IFT172: variants seen among roughly 807,000 people sequenced by gnomAD.
The protein encoded by IFT172 is intraflagellar transport 172, also known as intraflagellar transport protein 172 homolog.
IFT172 carries 164 observed loss-of-function variants against 248.9 expected under a neutral mutation model. The observed-to-expected ratio is 0.66, with a 90% confidence interval of 0.58 to 0.75. IFT172 has a LOEUF of 0.75. IFT172 is among the 30% of genes least tolerant of loss of function. The pLI is 0.00. For synonymous variants in IFT172, 729 were observed against 791.6 expected (o/e 0.92, Z 1.33); for missense variants, 1,950 against 2,192.4 (o/e 0.89, Z 2.21).
rs1251625549 is a variant in IFT172, at chr2:27,483,676, T to C, written c.403-17A>G. ...TAAACGAACCTGAAAATGGAAAAAT[T>C]GATACAAGTATGGTTAGGCTATTTT... On this transcript the variant is annotated splice_polypyrimidine_tract_variant and intron_variant, in intron 5 of 47. Transcript: ENST00000260570. 6.2e-7 allele frequency: 1 copy of C among 1,612,640 alleles called. No homozygotes were observed. The highest frequency in any genetic ancestry group is 8.5e-7 in the Non-Finnish European group (1 of 1,178,766).
intron 16 of IFT172, among the ~76,000 whole-genome samples, chr2:27,468,508 A>G (rs1470953759): frequency 6.6e-6 from 1 of 152,016 alleles, no homozygotes; most frequent in Non-Finnish European, 1.5e-5. Context: ...TGCTGGAATT[A>G]TATGTGTGAG....
intron 7 of IFT172, 50 bp from the exon 8 acceptor site, chr2:27,481,310 G>T (rs746852933): frequency 1.4e-6 from 2 of 1,419,202 alleles, no homozygotes; most frequent in South Asian, 2.4e-5. Flanking sequence ...CTCCACCCGA[G>T]AAATTCCTCA....
chr2:27,483,870 A>C lies in IFT172; in HGVS notation c.402+2T>G, dbSNP rs774548930. On this transcript the variant is annotated splice_donor_variant, in intron 5 of 47. Coordinates refer to ENST00000260570, the MANE Select transcript of IFT172 (RefSeq NM_015662.3). LOFTEE classifies it high-confidence loss of function. ...CTCTTGTGTTTCCCTTCCCTCTTTTACCTTCCCTTCAGCCAGTCCAAAGAC... is the reference window on the plus strand; with the variant it reads ...CTCTTGTGTTTCCCTTCCCTCTTTTCCCTTCCCTTCAGCCAGTCCAAAGAC... 3.1e-6 allele frequency: 5 copies of C among 1,611,246 alleles called. No homozygotes were observed. The highest frequency in any genetic ancestry group is 1.7e-5 in the Admixed American group (1 of 59,984).
intron 35 of IFT172, among the ~76,000 whole-genome samples, chr2:27,452,594 A>C (rs1665770950): frequency 6.6e-6 from 1 of 152,238 alleles, no homozygotes; most frequent in Non-Finnish European, 1.5e-5. Context: ...ACCTAGGTAG[A>C]GGTTGCGTAG....
At chr2:27,489,173 T>C (rs1668980169) in intron 1 of IFT172, among the ~76,000 whole-genome samples, 1 of 152,334 alleles carries the variant, frequency 6.6e-6, no homozygotes, top group South Asian at 2.1e-4. Flanking sequence ...TTCTTCACCA[T>C]GTTTCAGGGC....
At chr2:27,486,366 G>A (rs553353841) in intron 1 of IFT172, 4 of 167,106 alleles carry the variant, frequency 2.4e-5, no homozygotes, top group Non-Finnish European at 5.9e-5. Context: ...ACCCAAGTTA[G>A]AAGTTATCTC....
At chr2:27,463,913 A>C (rs1274723992) in intron 18 of IFT172, among the ~76,000 whole-genome samples, 2 of 152,132 alleles carry the variant, frequency 1.3e-5, no homozygotes, top group Non-Finnish European at 2.9e-5. Context: ...AGGCCAAAAA[A>C]CTTCAGGGCT....
In IFT172 at chr2:27,446,213, C is replaced by T. The variant is rs558185038; in HGVS notation, c.4755+47G>A. 19 of 1,579,782 alleles carry T rather than the reference C, an allele frequency of 1.2e-5. No individual in the cohort carries two copies. In the East Asian group the frequency reaches 2.7e-4, roughly 22 times the overall value. ...GCAGAAGGGATATTCTATTTTCCAACCTTTAACTTCCTCCTATCTGCCCCA... is the reference window on the plus strand; with the variant it reads ...GCAGAAGGGATATTCTATTTTCCAATCTTTAACTTCCTCCTATCTGCCCCA... On this transcript the variant is annotated intron_variant, in intron 43 of 47. Coordinates refer to ENST00000260570, the MANE Select transcript of IFT172 (RefSeq NM_015662.3).
chr2:27,485,463 T>C lies in IFT172; in HGVS notation c.80A>G (p.Asn27Ser). 6.2e-7 allele frequency: 1 copy of C among 1,614,138 alleles called. No individual in the cohort carries two copies. Among genetic ancestry groups the C allele is most frequent in the Non-Finnish European group, 8.5e-7 (1 of 1,179,972 alleles). Residue 27 changes from asparagine to serine, a missense_variant, in exon 2 of 48, where the codon AAC (asparagine) becomes AGC (serine). Around this residue, in one of 3 missense-constraint regions of IFT172, gnomAD observed 1,166 missense variants for 1,254.1 expected, o/e 0.93. Coordinates refer to ENST00000260570, the MANE Select transcript of IFT172 (RefSeq NM_015662.3). The part of the protein sequence containing the change: ...AKVTCMAWSQ[N>S]NAKFAVCTVD... ...TGTGCAGACAGCAAATTTGGCATTG[T>C]TCTGGGACCAAGCCATGCAGGTCAC...
chr2:27,479,961 A>G, intron 9 of IFT172, 65 bp downstream of exon 9: 1 of 1,568,726 alleles, frequency 6.4e-7, no homozygotes, highest in Non-Finnish European at 8.6e-7. Context: ...GCTTTAGGAT[A>G]AGGCAGGATT....
chr2:27,477,389 G>A lies in IFT172; in HGVS notation c.1222-69C>T, dbSNP rs929203166. ...GAAAAACAGTAGTGGGAGGTGTACTGTCAGTTCAAGGTGACTACCACTTTT... is the reference window on the plus strand; with the variant it reads ...GAAAAACAGTAGTGGGAGGTGTACTATCAGTTCAAGGTGACTACCACTTTT... On this transcript the variant is annotated intron_variant, in intron 12 of 47. Coordinates refer to ENST00000260570, the MANE Select transcript of IFT172 (RefSeq NM_015662.3). 7 of 1,398,262 alleles carry A rather than the reference G, an allele frequency of 5.0e-6. No homozygotes were observed. The African/African-American group carries it at 9.9e-5, about 20-fold the overall frequency. 86.6% of individuals were successfully genotyped at this position (1,398,262 alleles called of 1,614,324 possible). A position where few individuals can be genotyped will look rare whatever the true frequency, so the allele number is the denominator to read the frequency against.
chr2:27,447,738 G>C, intron 41 of IFT172, 74 bp downstream of exon 41: 2 of 1,602,712 alleles, frequency 1.2e-6, no homozygotes, highest in Non-Finnish European at 1.7e-6. Flanking sequence ...AAATACATCT[G>C]AGAATAAAGG....
intron 4 of IFT172, 55 bp downstream of exon 4, chr2:27,484,172 T>G: frequency 1.9e-6 from 3 of 1,605,538 alleles, no homozygotes; most frequent in Non-Finnish European, 2.6e-6. Context: ...TATAAGTAGA[T>G]ATACTGATAT....
At position 27,447,580 on chromosome 2, in the gene IFT172, T is replaced by G; in HGVS notation, c.4594A>C (p.Lys1532Gln). ...TAATGAGCGATCAGCAGCATCGTCT[T>G]GAACTCCTCATGGGCTGGAGAGTTT... ...EANSPAHEEF[K>Q]TMLLIAHYYA... Residue 1532 changes from lysine to glutamine, a missense_variant, in exon 42 of 48, where the codon AAG becomes CAG. Physicochemically the swap from Lys to Gln is moderately conservative, Grantham distance 53 (BLOSUM62 1). This residue lies in a region of IFT172 where 620 missense variants were observed against 699.0 expected (regional missense o/e 0.89). Transcript: ENST00000260570. 1 of 1,614,160 alleles carries G rather than the reference T, an allele frequency of 6.2e-7. No individual in the cohort carries two copies. Among genetic ancestry groups the G allele is most frequent in the Non-Finnish European group, 8.5e-7 (1 of 1,180,032 alleles).
intron 13 of IFT172, chr2:27,476,958 G>C: frequency 1.7e-6 from 1 of 585,972 alleles, no homozygotes; most frequent in Non-Finnish European, 3.0e-6. Flanking sequence ...TGAGTAACTG[G>C]GACTACAGGG....
intron 1 of IFT172, among the ~76,000 whole-genome samples, chr2:27,488,285 C>T (rs915487255): frequency 9.2e-5 from 14 of 152,170 alleles, no homozygotes; most frequent in African/African-American, 3.1e-4. Context: ...TCCTGAGTAG[C>T]TGGGATTACA....
At chr2:27,472,990 A>G (rs753218486) in intron 14 of IFT172, among the ~76,000 whole-genome samples, 4 of 152,180 alleles carry the variant, frequency 2.6e-5, no homozygotes, top group Non-Finnish European at 4.4e-5. Context: ...CCACTTTGTT[A>G]TATATGCTTA....
chr2:27,444,590 G>GACCCTGAAGCCTGCGATGGA, intron 47 of IFT172, 69 bp from the exon 48 acceptor site: 2 of 1,223,338 alleles, frequency 1.6e-6, no homozygotes, highest in Non-Finnish European at 2.4e-6. Flanking sequence ...CTCCATCGCA[G>GACCCTGAAGCCTGCGATGGA]GCTTCAGGGT....
intron 14 of IFT172, among the ~76,000 whole-genome samples, chr2:27,472,995 T>C (rs1411908226): frequency 6.6e-6 from 1 of 152,206 alleles, no homozygotes; most frequent in Non-Finnish European, 1.5e-5. Flanking sequence ...TTGTTATATA[T>C]GCTTAAGCTA....
Sources: allele counts gnomAD v4.1 joint callset (sites outside exome capture counted in the v4.1 genomes callset), GRCh38; gene constraint gnomAD v4.1.1; regional missense constraint gnomAD v4.1.1; transcripts MANE v1.5; gene names NCBI Gene and HGNC (gene_info 2026-07-23, HGNC 2026-07-21).